Variants in INTS1 observed in about 807,000 individuals in gnomAD.
INTS1 encodes the protein integrator complex subunit 1.
Under a neutral mutation model 241.6 loss-of-function variants are expected in INTS1, and 137 were observed. That is an observed-to-expected ratio of 0.57 (90% CI 0.49 to 0.65). The LOEUF (loss-of-function observed/expected upper bound fraction) is 0.65, where lower values mean the gene tolerates loss of function less well. Among genes scored for constraint, INTS1 ranks in the 30% least tolerant of loss-of-function variants. The probability of loss-of-function intolerance (pLI) is 0.00; values close to 1 mark genes in which losing one functional copy is unlikely to be tolerated. For missense variants in INTS1, 3,073 were observed against 3,032.2 expected (o/e 1.01, Z -0.32); for synonymous variants, 1,692 against 1,337.8 (o/e 1.26, Z -5.78).
rs548592625 is a variant in INTS1 at position 1,482,518 on chromosome 7, C to T, written c.3703+28G>A. 704 of 1,577,664 alleles carry T rather than the reference C, an allele frequency of 4.5e-4. 1 individual carries two copies. The African/African-American group carries it at 8.5e-3, about 19-fold the overall frequency. ...GGCCCGGGACCCCTGAGTCAGCAGC[C>T]CCTGCCCAAGCCCAGCCTGGACCGT... On this transcript the variant is annotated intron_variant, in intron 27 of 47. Transcript: ENST00000404767.
intron 31 of INTS1, 67 bp downstream of exon 31, chr7:1,479,363 G>A (rs1014081862): frequency 6.3e-5 from 94 of 1,499,750 alleles, no homozygotes; most frequent in South Asian, 6.1e-4. Flanking sequence ...CAGGACACCC[G>A]GGCCGTCCTG....
At chr7:1,485,869 G>A (rs1305823380) in intron 22 of INTS1, among the ~76,000 whole-genome samples, 2 of 152,084 alleles carry the variant, frequency 1.3e-5, no homozygotes, top group African/African-American at 2.4e-5. Flanking sequence ...GTGCAGTGGT[G>A]TGATCACAGC....
In INTS1 at chr7:1,502,897, T is replaced by C. The variant is rs750965118; in HGVS notation, c.349+4A>G. The C allele has an allele frequency of 1.9e-6, 3 of 1,613,620 alleles. No homozygotes were observed. Among genetic ancestry groups the C allele is most frequent in the African/African-American group, 1.3e-5 (1 of 74,986 alleles). On this transcript the variant is annotated splice_donor_region_variant and intron_variant, in intron 3 of 47. Coordinates refer to ENST00000404767, the MANE Select transcript of INTS1 (RefSeq NM_001080453.3). ...TTCTCGGGGGATGTCCACAGACTCA[T>C]TACCTTCAATTGGCACCACAGATGG...
intron 2 of INTS1, 115 bp from the exon 3 acceptor site, chr7:1,503,306 G>A (rs935814618): frequency 7.8e-6 from 9 of 1,152,184 alleles, no homozygotes; most frequent in Admixed American, 5.3e-5. Flanking sequence ...GAGGAGGCAA[G>A]GAAGAAGCCA....
chr7:1,494,562 T>C, intron 14 of INTS1: 1 of 561,000 alleles, frequency 1.8e-6, no homozygotes, highest in South Asian at 2.0e-5. Context: ...AAGGCGGGGG[T>C]CCGGGGGAGG....
At position 1,487,229 on chromosome 7, in the gene INTS1, G is replaced by A. The variant is rs561567324; in HGVS notation, c.2646+91C>T. The A allele has an allele frequency of 5.1e-5, 77 of 1,511,426 alleles. No homozygotes were observed. The Middle Eastern group carries it at 8.5e-4, about 17-fold the overall frequency. The allele number at this position is 1,511,426 out of a possible 1,614,324, so 93.6% of individuals were successfully genotyped here. On this transcript the variant is annotated intron_variant, in intron 20 of 47. Transcript: ENST00000404767. The stretch of plus-strand genomic sequence containing the variant: ...CAGCTCATGGGCCCCGCATCCAGGT[G>A]TGTCCTGCCCTCTTCTGGCCACCAA...
At chr7:1,504,183 G>A (rs1783350817) in intron 1 of INTS1, 140 bp downstream of exon 1, 3 of 538,112 alleles carry the variant, frequency 5.6e-6, no homozygotes, top group Non-Finnish European at 9.7e-6. Context: ...GAGCGGCTCA[G>A]TCGGGCGGCA....
In INTS1 at chr7:1,480,251, G is replaced by A. The variant is rs367873847; in HGVS notation, c.4074+66C>T. The A allele has an allele frequency of 5.7e-5, 86 of 1,521,476 alleles. 1 individual carries two copies. The Admixed American group carries it at 5.8e-4, about 10-fold the overall frequency. The allele number at this position is 1,521,476 out of a possible 1,614,324, so 94.2% of individuals were successfully genotyped here. On this transcript the variant is annotated intron_variant, in intron 30 of 47. Coordinates refer to ENST00000404767, the MANE Select transcript of INTS1 (RefSeq NM_001080453.3). Reference sequence around the variant, plus strand: ...GTAAAGGCCGCTGTGCGTGCGAGGCGGCAGCGAAGGCTGCACGCAGGAAGA... The same window carrying A: ...GTAAAGGCCGCTGTGCGTGCGAGGCAGCAGCGAAGGCTGCACGCAGGAAGA...
In INTS1 at chr7:1,493,735, T is replaced by C. The variant is rs1279639361; in HGVS notation, c.2068+19A>G. The stretch of plus-strand genomic sequence containing the variant: ...GGGAGCAGACCCAGCACAGGCGCCA[T>C]CCCCTGCAGAAGCCATACCATCCGC... On this transcript the variant is annotated intron_variant, in intron 15 of 47. Coordinates refer to ENST00000404767, the MANE Select transcript of INTS1 (RefSeq NM_001080453.3). The surrounding 1 kb of genome is among the most constrained non-coding windows in gnomAD (Gnocchi z 5.3). 1 of 1,562,398 alleles carries C rather than the reference T, an allele frequency of 6.4e-7. No homozygotes were observed. The highest frequency in any genetic ancestry group is 1.9e-5 in the Admixed American group (1 of 52,544).
rs1048495654 is a variant in INTS1, at chr7:1,479,709, G to A, written c.4075-25C>T. On this transcript the variant is annotated intron_variant, in intron 30 of 47. Transcript: ENST00000404767. ...TCTGGAACGGGGAAGGCCAGTGTCA[G>A]GAGGAAGCGGAGGAGAAGGAGGAGG... is the stretch of plus-strand genomic sequence containing the variant. 5 of 1,448,660 alleles carry A rather than the reference G, an allele frequency of 3.5e-6. No homozygotes were observed. In the African/African-American group the frequency reaches 7.2e-5, roughly 21 times the overall value. The allele number at this position is 1,448,660 out of a possible 1,614,324, so 89.7% of individuals were successfully genotyped here.
chr7:1,490,106 A>G lies in INTS1; in HGVS notation c.2166-424T>C, dbSNP rs762744980. Among the ~76,000 whole-genome samples the G allele has an allele frequency of 8.6e-5, 13 of 151,970 alleles. No individual in the cohort carries two copies. The South Asian group carries it at 1.9e-3, about 22-fold the overall frequency. On this transcript the variant is annotated intron_variant, in intron 16 of 47. Transcript: ENST00000404767. The stretch of plus-strand genomic sequence containing the variant: ...CTATGAGACAGATGTGAATCGAGGC[A>G]CTGCCTGGAGCCACATGCAGAGGCT...
At chr7:1,500,597 T>C (rs1783126616) in intron 3 of INTS1, among the ~76,000 whole-genome samples, 1 of 152,136 alleles carries the variant, frequency 6.6e-6, no homozygotes, top group Non-Finnish European at 1.5e-5. Context: ...GCCACTCCAG[T>C]CCTGGCTCCG....
At position 1,487,008 on chromosome 7, in the gene INTS1, G is replaced by C; in HGVS notation, c.2740C>G (p.Leu914Val). 1 of 1,605,824 alleles carries C rather than the reference G, an allele frequency of 6.2e-7. No individual in the cohort carries two copies. The highest frequency in any genetic ancestry group is 8.5e-7 in the Non-Finnish European group (1 of 1,178,390). ...VLPVQCLCEF[L>V]LHDAVDDAAS... ...GCATCGTCCACAGCATCGTGCAGCA[G>C]GAACTCGCACAGACACTGCACGGGC... The change falls in exon 21 of 48, where the codon CTG becomes GTG. Residue 914 changes from leucine (L) to valine (V), a missense_variant. Physicochemically the swap from Leu to Val is conservative, Grantham distance 32 (BLOSUM62 1). Transcript: ENST00000404767.
At chr7:1,473,480 G>T in intron 42 of INTS1, 86 bp downstream of exon 42, 1 of 1,474,526 alleles carries the variant, frequency 6.8e-7, no homozygotes, top group Non-Finnish European at 9.2e-7. Context: ...TATCTGACAC[G>T]ACACGGCCTT....
chr7:1,471,979 T>TGGTCTTGCCCACCCGCC (rs1781490268), intron 44 of INTS1, among the ~76,000 whole-genome samples: 1 of 151,576 alleles, frequency 6.6e-6, no homozygotes, highest in Non-Finnish European at 1.5e-5. Flanking sequence ...GCCCACCCGC[T>TGGTCTTGCCCACCCGCC]GGTCTTGCCC....
intron 6 of INTS1, 37 bp downstream of exon 6, chr7:1,499,436 T>C: frequency 7.8e-7 from 1 of 1,278,262 alleles, no homozygotes; most frequent in Non-Finnish European, 1.0e-6. Flanking sequence ...CCCTGGGGCT[T>C]GGACACCCGC....
At chr7:1,487,652 G>A (rs1243287799) in intron 19 of INTS1, 108 bp downstream of exon 19, 8 of 1,408,454 alleles carry the variant, frequency 5.7e-6, no homozygotes, top group Non-Finnish European at 7.9e-6. Context: ...TTCAGGTTCT[G>A]CCGCAGTGCG....
At chr7:1,475,177 G>A (rs1055271245) in intron 39 of INTS1, among the ~76,000 whole-genome samples, 2 of 152,198 alleles carry the variant, frequency 1.3e-5, no homozygotes, top group African/African-American at 2.4e-5. Flanking sequence ...GAGCCCAGGA[G>A]TTCAAGACTA....
chr7:1,486,651 C>T lies in INTS1; in HGVS notation c.2950G>A (p.Val984Met), dbSNP rs1389839931. The T allele has an allele frequency of 6.2e-7, 1 of 1,612,008 alleles. No individual in the cohort carries two copies. Among genetic ancestry groups the T allele is most frequent in the African/African-American group, 1.3e-5 (1 of 74,938 alleles). ...YFLRRLGSSQ[V>M]ASRVLAMKGL... is the part of the protein sequence containing the mutation. The stretch of plus-strand genomic sequence containing the variant: ...TTCATGGCCAGCACGCGGGAGGCCA[C>T]CTGGGAGGAGCCGAGGCGCCGCAAG... Residue 984 changes from valine to methionine, a missense_variant, in exon 22 of 48, where the codon GTG becomes ATG. Transcript: ENST00000404767.
Sources: gnomAD v4.1 joint callset for allele counts (sites outside exome capture counted in the v4.1 genomes callset) on GRCh38, gnomAD v4.1.1 for gene constraint, Gnocchi (gnomAD v3.1) non-coding constraint, MANE v1.5 for transcripts, NCBI Gene and HGNC (gene_info 2026-07-23, HGNC 2026-07-21) for gene names.